The following VMAC variants were observed in gnomAD, a reference collection of about 807,000 sequenced individuals.
The protein encoded by VMAC is vimentin-type intermediate filament-associated coiled-coil protein.
A neutral mutation model predicts 4.8 loss-of-function variants in VMAC; 8 were observed. The ratio of observed to expected loss-of-function variants is 1.68; its 90% CI spans 0.99 to 3.03. The LOEUF is 3.03. VMAC is among the 30% of genes most tolerant of loss of function. VMAC has a pLI of 0.00. For missense variants in VMAC, 248 were observed against 245.1 expected, an observed-to-expected ratio of 1.01 and a Z score of -0.08; for synonymous variants, 96 against 113.7, an observed-to-expected ratio of 0.84 and a Z score of 0.99.
rs1304848251 is a variant in VMAC at position 5,909,397 on chromosome 19, AAAGATCTGGATTTCTGGC to A, written c.*260_*277del. 2 of 465,582 alleles carry A rather than the reference AAAGATCTGGATTTCTGGC, an allele frequency of 4.3e-6. No homozygotes were observed. The highest frequency in any genetic ancestry group is 7.5e-6 in the Non-Finnish European group (2 of 267,102). 28.8% of individuals were successfully genotyped at this position (465,582 alleles called of 1,614,324 possible). A position where few individuals can be genotyped will look rare whatever the true frequency, so the allele number is the denominator to read the frequency against. ...GCTAAAAACCTGGCAATGCAAACACAAAGATCTGGATTTCTGGCAAGACTTGGCCAAGCTTGCCTGGAG... is the reference window on the plus strand; with the variant it reads ...GCTAAAAACCTGGCAATGCAAACACAAAGACTTGGCCAAGCTTGCCTGGAG... On this transcript the variant is annotated 3_prime_UTR_variant, in exon 2 of 2. Transcript: ENST00000339485.
In VMAC at chr19:5,905,083, T is replaced by G; in HGVS notation, c.191+2T>G. Reference sequence around the variant, plus strand: ...CGAACTGGGTCGCGCCAAGGACCGGTGAGGCCCGGGGCCGGCCAGGTGGAC... The same window carrying G: ...CGAACTGGGTCGCGCCAAGGACCGGGGAGGCCCGGGGCCGGCCAGGTGGAC... On this transcript the variant is annotated splice_donor_variant, in intron 1 of 1. Transcript: ENST00000339485. LOFTEE classifies it high-confidence loss of function. The G allele has an allele frequency of 7.4e-7, 1 of 1,351,220 alleles. No individual in the cohort carries two copies. Among genetic ancestry groups the G allele is most frequent in the South Asian group, 1.8e-5 (1 of 54,336 alleles). The allele number at this position is 1,351,220 out of a possible 1,614,324, so 83.7% of individuals were successfully genotyped here. A position where few individuals can be genotyped will look rare whatever the true frequency, so the allele number is the denominator to read the frequency against.
At chr19:5,905,151 C>G in intron 1 of VMAC, 70 bp downstream of exon 1, 1 of 1,319,240 alleles carries the variant, frequency 7.6e-7, no homozygotes, top group South Asian at 2.0e-5. Context: ...GGCTGGAAAG[C>G]GAGGAAGGGC....
chr19:5,906,247 G>T (rs1266436350), intron 1 of VMAC, among the ~76,000 whole-genome samples: 1 of 152,196 alleles, frequency 6.6e-6, no homozygotes, highest in African/African-American at 2.4e-5. Context: ...TGGGATTATA[G>T]GCACGAGCCA....
At chr19:5,905,880 A>G (rs960983092) in intron 1 of VMAC, among the ~76,000 whole-genome samples, 8 of 151,978 alleles carry the variant, frequency 5.3e-5, no homozygotes, top group Admixed American at 5.2e-4. Flanking sequence ...ATTTTTTTGT[A>G]GAGACAGTTT....
In VMAC at chr19:5,908,574, C is replaced by G. The variant is rs2057686908; in HGVS notation, c.192-250C>G. 6.6e-6 allele frequency among the ~76,000 whole-genome samples: 1 copy of G among 150,852 alleles called. No individual in the cohort carries two copies. The highest frequency in any genetic ancestry group is 2.1e-4 in the South Asian group (1 of 4,768). On this transcript the variant is annotated intron_variant, in intron 1 of 1. Transcript: ENST00000339485. This position sits in a 1 kb window ranked among gnomAD's most constrained non-coding sequence, Gnocchi z 4.5. ...GAAGTTGCAGTGAGCTGAGATTGCA[C>G]CATTGCACTCCAGCCTGGGCGACAG...
At position 5,909,478 on chromosome 19, in the gene VMAC, TTTTTTG is replaced by T; in HGVS notation, c.*342_*347del. On this transcript the variant is annotated 3_prime_UTR_variant, in exon 2 of 2. Transcript: ENST00000339485. Reference sequence around the variant, plus strand: ...TCTTTAGCCAGGGTGTGAGTTTCTGTTTTTTGTTTTTTTTTTTTTAAGACAGAGTCC... The same window carrying T: ...TCTTTAGCCAGGGTGTGAGTTTCTGTTTTTTTTTTTTTTAAGACAGAGTCC... The T allele has an allele frequency of 5.8e-6, 1 of 173,224 alleles. No individual in the cohort carries two copies. Among genetic ancestry groups the T allele is most frequent in the Non-Finnish European group, 1.0e-5 (1 of 95,734 alleles). 10.7% of individuals were successfully genotyped at this position (173,224 alleles called of 1,614,324 possible).
rs1568435693 is a variant in VMAC at position 5,909,046 on chromosome 19, A to T, written c.414A>T (p.Pro138=). The T allele has an allele frequency of 1.3e-6, 2 of 1,566,548 alleles. No individual in the cohort carries two copies. The highest frequency in any genetic ancestry group is 2.3e-5 in the South Asian group (2 of 87,024). The part of the protein sequence containing the change: ...GPLPASDPGH[P]PPGGPGPPLD... ...TGCCGGCCAGTGACCCCGGCCACCC[A>T]CCCCCCGGTGGGCCTGGTCCACCCC... The change falls in exon 2 of 2, where the codon CCA becomes CCT. Residue 138 remains proline (P), a synonymous_variant. Coordinates refer to ENST00000339485, the MANE Select transcript of VMAC (RefSeq NM_001017921.4).
In VMAC at chr19:5,909,033, A is replaced by C; in HGVS notation, c.401A>C (p.Asp134Ala). Residue 134 changes from aspartate to alanine, a missense_variant, in exon 2 of 2, where the codon GAC (aspartate) becomes GCC (alanine). Asp to Ala is a moderately radical substitution (Grantham distance 126, BLOSUM62 -2). Transcript: ENST00000339485. ...CGCCTGGGGCCCCTGCCGGCCAGTG[A>C]CCCCGGCCACCCACCCCCCGGTGGG... is the stretch of plus-strand genomic sequence containing the variant. ...AERLGPLPASDPGHPPPGGPG... is the reference protein window; with the variant it reads ...AERLGPLPASAPGHPPPGGPG... The C allele has an allele frequency of 6.3e-7, 1 of 1,575,298 alleles. No homozygotes were observed. Among genetic ancestry groups the C allele is most frequent in the Non-Finnish European group, 8.6e-7 (1 of 1,162,280 alleles).
chr19:5,907,537 C>T (rs946982774), intron 1 of VMAC, among the ~76,000 whole-genome samples: 1 of 145,422 alleles, frequency 6.9e-6, no homozygotes, highest in Admixed American at 7.2e-5. Flanking sequence ...CTTTGGGAGG[C>T]CGAAGCGGTC....
At position 5,908,950 on chromosome 19, in the gene VMAC, C is replaced by T. The variant is rs774200126; in HGVS notation, c.318C>T (p.Asp106=). The T allele has an allele frequency of 6.2e-7, 1 of 1,613,422 alleles. No homozygotes were observed. The highest frequency in any genetic ancestry group is 8.5e-7 in the Non-Finnish European group (1 of 1,179,856). ...QLQPRAELLQ[D]ICRRRPPLAG... ...AGCCCCGGGCTGAGCTGCTGCAGGA[C>T]ATCTGCCGCCGCCGGCCACCCCTGG... is the stretch of plus-strand genomic sequence containing the variant. Residue 106 remains aspartate (D), a synonymous_variant, in exon 2 of 2, where the codon GAC becomes GAT. Transcript: ENST00000339485. This position sits in a 1 kb window ranked among gnomAD's most constrained non-coding sequence, Gnocchi z 4.5.
rs1281627215 is a variant in VMAC at position 5,909,136 on chromosome 19, A to G, written c.504A>G (p.Thr168=). The change falls in exon 2 of 2, where the codon ACA becomes ACG. Residue 168 remains threonine, a synonymous_variant. Transcript: ENST00000339485. ...DHLQPAVFGT[T]V is the part of the protein sequence containing the mutation. ...TCCAGCCTGCAGTGTTTGGGACCAC[A>G]GTGTGAGCCCGGAATGCAGATTACA... 5 of 1,537,698 alleles carry G rather than the reference A, an allele frequency of 3.3e-6. No homozygotes were observed. Among genetic ancestry groups the G allele is most frequent in the South Asian group, 1.2e-5 (1 of 83,898 alleles).
At chr19:5,906,505 A>T (rs1430064694) in intron 1 of VMAC, among the ~76,000 whole-genome samples, 9 of 152,216 alleles carry the variant, frequency 5.9e-5, no homozygotes. Context: ...AGTAAGACTT[A>T]GCCTTGCCCA....
chr19:5,907,802 C>G (rs1268655254), intron 1 of VMAC, among the ~76,000 whole-genome samples: 1 of 151,236 alleles, frequency 6.6e-6, no homozygotes, highest in African/African-American at 2.4e-5. Context: ...TAAGGGAGAT[C>G]TGATGGTTTT....
Position 5,904,903 on chromosome 19 carries a change from C to G in VMAC, c.13C>G (p.Pro5Ala). Residue 5 changes from proline to alanine, a missense_variant, in exon 1 of 2, where the codon CCG becomes GCG. By Grantham distance (27) the Pro-to-Ala change is conservative. Coordinates refer to ENST00000339485, the MANE Select transcript of VMAC (RefSeq NM_001017921.4). Reference sequence around the variant, plus strand: ...AGCAGCCTGGGCCATGTCGGCGCCGCCGGCCCTGCAGATCCGGGAGGCAAA... The same window carrying G: ...AGCAGCCTGGGCCATGTCGGCGCCGGCGGCCCTGCAGATCCGGGAGGCAAA... The part of the protein sequence containing the change: MSAP[P>A]ALQIREANAH... 6.7e-7 allele frequency: 1 copy of G among 1,483,108 alleles called. No homozygotes were observed. The highest frequency in any genetic ancestry group is 8.9e-7 in the Non-Finnish European group (1 of 1,126,978). The allele number at this position is 1,483,108 out of a possible 1,614,324, so 91.9% of individuals were successfully genotyped here. A position where few individuals can be genotyped will look rare whatever the true frequency, so the allele number is the denominator to read the frequency against.
At chr19:5,907,884 G>A (rs369267272) in intron 1 of VMAC, among the ~76,000 whole-genome samples, 9 of 152,170 alleles carry the variant, frequency 5.9e-5, no homozygotes, top group South Asian at 2.1e-4. Context: ...CTTCCATCAT[G>A]ATTGTAAGTT....
rs2144973176 is a variant in VMAC at position 5,908,908 on chromosome 19, G to A, written c.276G>A (p.Glu92=). Reference sequence around the variant, plus strand: ...AGGCCACCGTGCACCAGAGGGACGAGCTCATTAGGCAGTTGCAGCCCCGGG... The same window carrying A: ...AGGCCACCGTGCACCAGAGGGACGAACTCATTAGGCAGTTGCAGCCCCGGG... The part of the protein sequence containing the change: ...SLQATVHQRD[E]LIRQLQPRAE... Residue 92 remains glutamate, a synonymous_variant, in exon 2 of 2, where the codon GAG becomes GAA. Coordinates refer to ENST00000339485, the MANE Select transcript of VMAC (RefSeq NM_001017921.4). This position sits in a 1 kb window ranked among gnomAD's most constrained non-coding sequence, Gnocchi z 4.5. 1 of 1,613,926 alleles carries A rather than the reference G, an allele frequency of 6.2e-7. No homozygotes were observed. Among genetic ancestry groups the A allele is most frequent in the Non-Finnish European group, 8.5e-7 (1 of 1,179,990 alleles).
At position 5,909,113 on chromosome 19, in the gene VMAC, C is replaced by T. The variant is rs1390213309; in HGVS notation, c.481C>T (p.Gln161Ter). The T allele has an allele frequency of 1.3e-6, 2 of 1,550,096 alleles. No homozygotes were observed. The highest frequency in any genetic ancestry group is 2.3e-5 in the South Asian group (2 of 85,238). Residue 161 changes from glutamine to a stop codon, truncating the protein, a stop_gained, in exon 2 of 2, where the codon CAG (glutamine) becomes TAG (stop). Transcript: ENST00000339485. LOFTEE classifies it high-confidence loss of function. ...TGEEADRDHL[Q>*]PAVFGTTV ...GGAAGAGGCGGACAGGGACCACCTC[C>T]AGCCTGCAGTGTTTGGGACCACAGT...
Position 5,909,321 on chromosome 19 carries a change from C to G in VMAC, c.*179C>G. ...CCACAGGCCAGGTGCAGACGTTTAA[C>G]CCAGACAGAAGTGTTCTTGTTTGTT... On this transcript the variant is annotated 3_prime_UTR_variant, in exon 2 of 2. Transcript: ENST00000339485. 1.6e-6 allele frequency: 1 copy of G among 611,498 alleles called. No individual in the cohort carries two copies. The highest frequency in any genetic ancestry group is 3.1e-5 in the East Asian group (1 of 32,142). 37.9% of individuals were successfully genotyped at this position (611,498 alleles called of 1,614,324 possible).
At position 5,909,216 on chromosome 19, in the gene VMAC, G is replaced by T; in HGVS notation, c.*74G>T. On this transcript the variant is annotated 3_prime_UTR_variant, in exon 2 of 2. Transcript: ENST00000339485. ...TGTCCTTGGGAGTCACCAGCACCCT[G>T]CAGGGGGACCCTACGGCAGAGCCAA... 6.8e-7 allele frequency: 1 copy of T among 1,469,220 alleles called. No individual in the cohort carries two copies. Among genetic ancestry groups the T allele is most frequent in the Non-Finnish European group, 9.0e-7 (1 of 1,106,970 alleles). 91.0% of individuals were successfully genotyped at this position (1,469,220 alleles called of 1,614,324 possible).
Sources: gnomAD v4.1 joint callset for allele counts (sites outside exome capture counted in the v4.1 genomes callset) on GRCh38, gnomAD v4.1.1 for gene constraint, Gnocchi (gnomAD v3.1) non-coding constraint, MANE v1.5 for transcripts, NCBI Gene and HGNC (gene_info 2026-07-23, HGNC 2026-07-21) for gene names.